Variants in RBMS3 observed in about 807,000 individuals in gnomAD.
RBMS3 encodes RNA binding motif single stranded interacting protein 3.
A neutral mutation model predicts 66.8 loss-of-function variants in RBMS3; 27 were observed. The observed-to-expected ratio is 0.40, with a 90% CI of 0.30 to 0.56. The LOEUF is 0.56. RBMS3 is among the 20% of genes least tolerant of loss of function. The pLI is 0.40. For missense variants in RBMS3, 513 were observed against 549.5 expected (o/e 0.93, Z 0.66); for synonymous variants, 188 against 183.0 (o/e 1.03, Z -0.22).
intron 1 of RBMS3, among the ~76,000 whole-genome samples, chr3:29,400,120 T>G (rs777327252): frequency 3.3e-5 from 5 of 152,046 alleles, no homozygotes; most frequent in Non-Finnish European, 7.4e-5. Flanking sequence ...CCAGCCCTTC[T>G]GGGGAAAAAA....
At chr3:29,971,086 C>T (rs1697198806) in intron 12 of RBMS3, among the ~76,000 whole-genome samples, 1 of 151,982 alleles carries the variant, frequency 6.6e-6, no homozygotes, top group Non-Finnish European at 1.5e-5. Flanking sequence ...CCAGCTCCTC[C>T]AGTGTCTTCT....
At chr3:29,661,408 C>G (rs180933743) in intron 4 of RBMS3, among the ~76,000 whole-genome samples, 1 of 152,104 alleles carries the variant, frequency 6.6e-6, no homozygotes, top group Admixed American at 6.5e-5. Context: ...GAGATTTAAA[C>G]GGTAGACAAT....
intron 3 of RBMS3, among the ~76,000 whole-genome samples, chr3:29,524,086 A>C (rs542839119): frequency 6.6e-6 from 1 of 151,958 alleles, no homozygotes; most frequent in South Asian, 2.1e-4. Flanking sequence ...TTCCTGATAA[A>C]ATTTTCCAAT....
chr3:29,725,303 G>A (rs530389697), intron 4 of RBMS3, among the ~76,000 whole-genome samples: 9 of 152,108 alleles, frequency 5.9e-5, no homozygotes, highest in East Asian at 1.9e-4. Flanking sequence ...TCTAACTTAC[G>A]AGTTTTTTAA....
chr3:29,893,839 A>G (rs1013990507), intron 8 of RBMS3, among the ~76,000 whole-genome samples: 2 of 151,408 alleles, frequency 1.3e-5, no homozygotes, highest in Non-Finnish European at 3.0e-5. Flanking sequence ...CCCTTCTCCT[A>G]TGGTCCTGCC....
chr3:29,431,013 A>G (rs1283032633), intron 1 of RBMS3, among the ~76,000 whole-genome samples: 13 of 152,190 alleles, frequency 8.5e-5, no homozygotes, highest in Admixed American at 8.5e-4. Flanking sequence ...CTTGTAAAAG[A>G]GGTAGAGCTT....
At chr3:29,671,016 C>T (rs1411894427) in intron 4 of RBMS3, among the ~76,000 whole-genome samples, 1 of 152,210 alleles carries the variant, frequency 6.6e-6, no homozygotes, top group African/African-American at 2.4e-5. Flanking sequence ...GGCCGACTGA[C>T]ACCTCACAAG....
chr3:29,322,070 G>A (rs1277713098), intron 1 of RBMS3, among the ~76,000 whole-genome samples: 2 of 152,074 alleles, frequency 1.3e-5, no homozygotes, highest in African/African-American at 2.4e-5. Flanking sequence ...ACTGAGCTTA[G>A]GGCTATATAC....
At position 29,991,191 on chromosome 3, in the gene RBMS3, A is replaced by G. The variant is rs1338514085; in HGVS notation, c.1289A>G (p.Tyr430Cys). Reference protein sequence around the residue: ...VDTSNEHAPAYSYQQSKP With the variant: ...VDTSNEHAPACSYQQSKP ...ACATCCAACGAACATGCACCTGCAT[A>G]TTCTTACCAACAGTCTAAGTAAGTC... The change falls in exon 14 of 15, where the codon TAT becomes TGT. Residue 430 changes from tyrosine (Y) to cysteine (C), a missense_variant. Physicochemically the swap from Tyr to Cys is radical, Grantham distance 194. Coordinates refer to ENST00000383767, the MANE Select transcript of RBMS3 (RefSeq NM_001003793.3). 2 of 1,614,142 alleles carry G rather than the reference A, an allele frequency of 1.2e-6. No homozygotes were observed. Among genetic ancestry groups the G allele is most frequent in the South Asian group, 1.1e-5 (1 of 91,078 alleles).
chr3:29,825,180 C>T (rs570687377), intron 6 of RBMS3, among the ~76,000 whole-genome samples: 1 of 151,950 alleles, frequency 6.6e-6, no homozygotes, highest in Non-Finnish European at 1.5e-5. Flanking sequence ...GGATTACATG[C>T]ACCCACCACC....
At chr3:29,747,698 A>C (rs990266412) in intron 5 of RBMS3, among the ~76,000 whole-genome samples, 2 of 152,204 alleles carry the variant, frequency 1.3e-5, no homozygotes, top group Non-Finnish European at 2.9e-5. Context: ...TTATTAAGTG[A>C]AAGGAAAACT....
At position 29,479,208 on chromosome 3, in the gene RBMS3, T is replaced by G. The variant is rs1380909930; in HGVS notation, c.249-9233T>G. Reference sequence around the variant, plus strand: ...ATGAAAATAATATCAACTAATTATGTAGGCATGAGAATTTGCAATAAATAT... The same window carrying G: ...ATGAAAATAATATCAACTAATTATGGAGGCATGAGAATTTGCAATAAATAT... On this transcript the variant is annotated intron_variant, in intron 2 of 14. Transcript: ENST00000383767. Among the ~76,000 whole-genome samples the G allele has an allele frequency of 6.6e-5, 10 of 151,958 alleles. No individual in the cohort carries two copies. The South Asian group carries it at 1.4e-3, about 22-fold the overall frequency.
intron 1 of RBMS3, among the ~76,000 whole-genome samples, chr3:29,346,940 C>T (rs1459603142): frequency 6.6e-6 from 1 of 152,120 alleles, no homozygotes; most frequent in Non-Finnish European, 1.5e-5. Flanking sequence ...TGGCTATTGA[C>T]CATATGTTTC....
rs10565045 is a variant in RBMS3 at position 29,323,691 on chromosome 3, TACACACACAC to T, written c.75+41962_75+41971del. Among the ~76,000 whole-genome samples the T allele has an allele frequency of 2.5e-3, 357 of 144,344 alleles. 2 individuals are homozygous for T. The highest frequency in any genetic ancestry group is 6.6e-3 in the African/African-American group (260 of 39,520). The allele number at this position is 144,344 out of a possible 152,430, so 94.7% of individuals were successfully genotyped here. ...GGACACATACAGTTACACACACACA[TACACACACAC>T]ACACACACACACACACACACACACA... On this transcript the variant is annotated intron_variant, in intron 1 of 14. Coordinates refer to ENST00000383767, the MANE Select transcript of RBMS3 (RefSeq NM_001003793.3).
chr3:29,349,714 AGCTGTCT>A (rs1251552270), intron 1 of RBMS3, among the ~76,000 whole-genome samples: 3 of 152,184 alleles, frequency 2.0e-5, no homozygotes, highest in African/African-American at 7.2e-5. Flanking sequence ...CTAACAACTC[AGCTGTCT>A]GCTGTCTGTT....
chr3:29,820,188 C>CAAAAAAAAAAAAA (rs71091078), intron 6 of RBMS3, among the ~76,000 whole-genome samples: 6 of 69,820 alleles, frequency 8.6e-5, no homozygotes, highest in African/African-American at 1.7e-4. Flanking sequence ...GACTTCTTCT[C>CAAAAAAAAAAAAA]AAAAAAAAAA....
chr3:29,440,023 T>C (rs1321617566), intron 2 of RBMS3, among the ~76,000 whole-genome samples: 2 of 152,172 alleles, frequency 1.3e-5, no homozygotes, highest in Non-Finnish European at 2.9e-5. Context: ...TGTAACTTTT[T>C]TGAGCCAGAT....
At chr3:29,577,007 C>T (rs1405608918) in intron 3 of RBMS3, among the ~76,000 whole-genome samples, 1 of 152,158 alleles carries the variant, frequency 6.6e-6, no homozygotes, top group Admixed American at 6.5e-5. Flanking sequence ...AGACACAAGA[C>T]AATGTCTCCT....
intron 4 of RBMS3, among the ~76,000 whole-genome samples, chr3:29,603,747 T>G (rs2048228891): frequency 6.6e-6 from 1 of 151,994 alleles, no homozygotes; most frequent in Non-Finnish European, 1.5e-5. Context: ...TATAGGAAAG[T>G]GCAGATAAGT....
Sources: allele counts gnomAD v4.1 joint callset (sites outside exome capture counted in the v4.1 genomes callset), GRCh38; gene constraint gnomAD v4.1.1; transcripts MANE v1.5; gene names NCBI Gene and HGNC (gene_info 2026-07-23, HGNC 2026-07-21).